The following ATP11B variants were observed in gnomAD, a reference collection of about 807,000 sequenced individuals.
ATP11B encodes ATPase phospholipid transporting 11B (putative), also known as phospholipid-transporting ATPase IF.
ATP11B carries 81 observed loss-of-function variants against 157.8 expected under a neutral mutation model. That is an observed-to-expected ratio of 0.51 (90% CI 0.43 to 0.62). The LOEUF is 0.62. ATP11B is among the 20% of genes least tolerant of loss of function. The probability of loss-of-function intolerance (pLI) is 0.00; values close to 1 mark genes in which losing one functional copy is unlikely to be tolerated. For missense variants in ATP11B, 1,165 were observed against 1,402.2 expected, an observed-to-expected ratio of 0.83 and a Z score of 2.70; for synonymous variants, 451 against 469.4, an observed-to-expected ratio of 0.96 and a Z score of 0.51.
Position 182,836,070 on chromosome 3 carries a change from T to C in ATP11B, c.351T>C (p.Asn117=). The change falls in exon 5 of 30, where the codon AAT becomes AAC. Residue 117 remains asparagine (N), a synonymous_variant. Coordinates refer to ENST00000323116, the MANE Select transcript of ATP11B (RefSeq NM_014616.3). Reference sequence around the variant, plus strand: ...ATTGGTTACGGCATAACTCAGATAATGAAGTAAATGGAGCTCCTGTTTATG... The same window carrying C: ...ATTGGTTACGGCATAACTCAGATAACGAAGTAAATGGAGCTCCTGTTTATG... ...YEDWLRHNSD[N]EVNGAPVYVV... is the part of the protein sequence containing the mutation. 2 of 1,613,538 alleles carry C rather than the reference T, an allele frequency of 1.2e-6. No individual in the cohort carries two copies. The highest frequency in any genetic ancestry group is 1.7e-6 in the Non-Finnish European group (2 of 1,179,684).
intron 1 of ATP11B, among the ~76,000 whole-genome samples, chr3:182,798,921 T>C (rs1475504493): frequency 6.6e-6 from 1 of 152,274 alleles, no homozygotes; most frequent in Admixed American, 6.5e-5. Flanking sequence ...TTACCTTTTT[T>C]TAAATGTGGA....
In ATP11B at chr3:182,872,488, T is replaced by G. The variant is rs1721736172; in HGVS notation, c.1999T>G (p.Phe667Val). The G allele has an allele frequency of 6.2e-7, 1 of 1,614,132 alleles. No individual in the cohort carries two copies. ...AGAGAAATTGGCAGCTGTTTTCCAG[T>G]TCATAGAGAAAGACCTGATATTACT... is the stretch of plus-strand genomic sequence containing the variant. Reference protein sequence around the residue: ...REEKLAAVFQFIEKDLILLGA... With the variant: ...REEKLAAVFQVIEKDLILLGA... Residue 667 changes from phenylalanine to valine, a missense_variant, in exon 18 of 30, where the codon TTC becomes GTC. By Grantham distance (50) the Phe-to-Val change is conservative (BLOSUM62 -1). Transcript: ENST00000323116.
chr3:182,860,306 A>G (rs554712588), intron 12 of ATP11B, among the ~76,000 whole-genome samples: 2 of 152,338 alleles, frequency 1.3e-5, no homozygotes, highest in Admixed American at 1.3e-4. Context: ...ATCTTCAGAA[A>G]TTTGAAGGGA....
chr3:182,912,184 T>C (rs915142414), intron 28 of ATP11B, among the ~76,000 whole-genome samples: 3 of 152,198 alleles, frequency 2.0e-5, no homozygotes, highest in Non-Finnish European at 2.9e-5. Flanking sequence ...ACTGGAAAAC[T>C]GATGAAATCC....
chr3:182,806,051 CTTCTT>C, intron 1 of ATP11B, among the ~76,000 whole-genome samples: 1 of 152,202 alleles, frequency 6.6e-6, no homozygotes, highest in Admixed American at 6.5e-5. Context: ...TGCTGAATAA[CTTCTT>C]TAGTTGTTTT....
chr3:182,843,968 G>A (rs1033647551), intron 8 of ATP11B: 9 of 152,214 alleles, frequency 5.9e-5, no homozygotes, highest in Admixed American at 2.0e-4. Context: ...ACTATGCCTA[G>A]GTTTATTTTG....
intron 7 of ATP11B, among the ~76,000 whole-genome samples, chr3:182,840,211 A>C (rs952573179): frequency 6.6e-6 from 1 of 152,090 alleles, no homozygotes; most frequent in Non-Finnish European, 1.5e-5. Flanking sequence ...TCTTTGATAC[A>C]ATTTGCTAAC....
At chr3:182,872,865 A>G (rs562042331) in intron 18 of ATP11B, among the ~76,000 whole-genome samples, 1 of 152,294 alleles carries the variant, frequency 6.6e-6, no homozygotes, top group East Asian at 1.9e-4. Flanking sequence ...CTTCCGCTTT[A>G]TGTTTCAACA....
intron 26 of ATP11B, 24 bp from the exon 27 acceptor site, chr3:182,897,278 TA>T: frequency 7.5e-7 from 1 of 1,331,640 alleles, no homozygotes; most frequent in South Asian, 1.4e-5. Flanking sequence ...TTTATATTTC[TA>T]AGGATATAAA....
At chr3:182,892,306 A>G (rs550412562) in intron 25 of ATP11B, among the ~76,000 whole-genome samples, 100 of 152,322 alleles carry the variant, frequency 6.6e-4, no homozygotes, top group Non-Finnish European at 7.5e-4. Context: ...CCTTTTAGAC[A>G]TCTGTCTAGG....
rs775395391 is a variant in ATP11B at position 182,918,433 on chromosome 3, AAG to A, written c.*335_*336del. On this transcript the variant is annotated 3_prime_UTR_variant, in exon 30 of 30. Transcript: ENST00000323116. Reference sequence around the variant, plus strand: ...TATATTTTAATATAAATGTAGAAAAAAGAGAGAAATCTTAGTAAAGAGTATTT... The same window carrying A: ...TATATTTTAATATAAATGTAGAAAAAAGAGAAATCTTAGTAAAGAGTATTT... 12 of 398,990 alleles carry A rather than the reference AAG, an allele frequency of 3.0e-5. No individual in the cohort carries two copies. Among genetic ancestry groups the A allele is most frequent in the African/African-American group, 2.3e-4 (11 of 48,716 alleles). The allele number at this position is 398,990 out of a possible 1,614,324, so 24.7% of individuals were successfully genotyped here. A position where few individuals can be genotyped will look rare whatever the true frequency, so the allele number is the denominator to read the frequency against.
chr3:182,886,371 G>A (rs574793230), intron 23 of ATP11B, among the ~76,000 whole-genome samples: 2 of 152,124 alleles, frequency 1.3e-5, no homozygotes, highest in South Asian at 2.1e-4. Context: ...TTTTTGATTC[G>A]AAATGTCTTA....
chr3:182,882,862 A>G (rs1419364012), intron 21 of ATP11B, among the ~76,000 whole-genome samples: 1 of 152,218 alleles, frequency 6.6e-6, no homozygotes, highest in Non-Finnish European at 1.5e-5. Flanking sequence ...TAGAAATAAT[A>G]TGGAAGGATG....
chr3:182,808,487 A>T (rs946421099), intron 1 of ATP11B, among the ~76,000 whole-genome samples: 2 of 152,138 alleles, frequency 1.3e-5, no homozygotes, highest in Non-Finnish European at 2.9e-5. Flanking sequence ...GGAAAAGCTG[A>T]AGTATCTTAG....
chr3:182,916,528 G>T, intron 29 of ATP11B: 1 of 985,278 alleles, frequency 1.0e-6, no homozygotes, highest in Non-Finnish European at 1.2e-6. Flanking sequence ...GCTATATAAA[G>T]AATATGCCAT....
intron 11 of ATP11B, 25 bp downstream of exon 11, chr3:182,858,053 G>A: frequency 1.9e-6 from 3 of 1,586,264 alleles, no homozygotes; most frequent in East Asian, 4.5e-5. Flanking sequence ...TATTGACTGT[G>A]TCATAAAGGA....
intron 1 of ATP11B, among the ~76,000 whole-genome samples, chr3:182,815,506 A>G (rs921744356): frequency 6.6e-6 from 1 of 152,140 alleles, no homozygotes; most frequent in Non-Finnish European, 1.5e-5. Flanking sequence ...AGGCATTTTC[A>G]TGTGCCTGTA....
chr3:182,872,305 T>G, intron 17 of ATP11B, 51 bp from the exon 18 acceptor site: 1 of 1,320,852 alleles, frequency 7.6e-7, no homozygotes, highest in South Asian at 1.5e-5. Flanking sequence ...TGATTTTCTG[T>G]TTGTTGTTTG....
intron 1 of ATP11B, among the ~76,000 whole-genome samples, chr3:182,797,404 A>G (rs1053303778): frequency 6.6e-6 from 1 of 152,176 alleles, no homozygotes; most frequent in Non-Finnish European, 1.5e-5. Context: ...TTTCAAAAAC[A>G]GTATTAAAAA....
Sources: allele counts gnomAD v4.1 joint callset (sites outside exome capture counted in the v4.1 genomes callset), GRCh38; gene constraint gnomAD v4.1.1; transcripts MANE v1.5; gene names NCBI Gene and HGNC (gene_info 2026-07-23, HGNC 2026-07-21).